DCSTAMP: variants seen among roughly 807,000 people sequenced by gnomAD.
DCSTAMP encodes dendritic cell-specific transmembrane protein.
Under a neutral mutation model 33.8 loss-of-function variants are expected in DCSTAMP, and 25 were observed. The observed-to-expected ratio is 0.74, with a 90% CI of 0.54 to 1.03. The LOEUF is 1.03. DCSTAMP is among the 50% of genes least tolerant of loss of function. DCSTAMP has a pLI of 0.00. For synonymous variants in DCSTAMP, 245 were observed against 216.7 expected (o/e 1.13, Z -1.15); for missense variants, 531 against 556.8 (o/e 0.95, Z 0.47).
Position 104,348,965 on chromosome 8 carries a change from T to G in DCSTAMP, c.413T>G (p.Phe138Cys). Reference sequence around the variant, plus strand: ...AGGGCAAAGAGCTTTTCCATACATTTTCCACTTTTGAAAAAATATATTGAG... The same window carrying G: ...AGGGCAAAGAGCTTTTCCATACATTGTCCACTTTTGAAAAAATATATTGAG... ...NLRAKSFSIH[F>C]PLLKKYIEAI... Residue 138 changes from phenylalanine (F) to cysteine (C), a missense_variant, in exon 2 of 4, where the codon TTT (phenylalanine) becomes TGT (cysteine). Transcript: ENST00000297581. 6.2e-7 allele frequency: 1 copy of G among 1,614,240 alleles called. No individual in the cohort carries two copies. The highest frequency in any genetic ancestry group is 8.5e-7 in the Non-Finnish European group (1 of 1,180,044).
chr8:104,347,060 A>T (rs754021292), intron 1 of DCSTAMP, among the ~76,000 whole-genome samples: 2 of 152,234 alleles, frequency 1.3e-5, no homozygotes, highest in Non-Finnish European at 2.9e-5. Flanking sequence ...AGATATTTTC[A>T]TGTCAATCAG....
chr8:104,343,973 A>G (rs1281159661), intron 1 of DCSTAMP, among the ~76,000 whole-genome samples: 1 of 152,246 alleles, frequency 6.6e-6, no homozygotes, highest in Non-Finnish European at 1.5e-5. Context: ...AGATGACAAC[A>G]GGTACATAGG....
intron 1 of DCSTAMP, among the ~76,000 whole-genome samples, chr8:104,340,711 C>G (rs2099382646): frequency 6.6e-6 from 1 of 152,202 alleles, no homozygotes; most frequent in Non-Finnish European, 1.5e-5. Context: ...GCCACGCAAC[C>G]TGGCTTGGGT....
chr8:104,341,719 C>G (rs528189172), intron 1 of DCSTAMP, among the ~76,000 whole-genome samples: 1 of 152,208 alleles, frequency 6.6e-6, no homozygotes, highest in Non-Finnish European at 1.5e-5. Flanking sequence ...TAACCCTGTT[C>G]TGCTATTTTC....
intron 1 of DCSTAMP, among the ~76,000 whole-genome samples, chr8:104,347,091 T>TTA (rs147482726): frequency 0.11 from 17,497 of 152,196 alleles, 1,081 homozygotes; most frequent in Admixed American, 0.16. Flanking sequence ...CAAATTTATT[T>TTA]TATATATATA....
At chr8:104,352,440 G>C (rs1810486925) in intron 2 of DCSTAMP, among the ~76,000 whole-genome samples, 1 of 152,008 alleles carries the variant, frequency 6.6e-6, no homozygotes, top group Non-Finnish European at 1.5e-5. Flanking sequence ...CCAGGAAAAG[G>C]GTCTCACTCC....
chr8:104,356,034 T>A, intron 3 of DCSTAMP, 90 bp from the exon 4 acceptor site: 1 of 1,213,486 alleles, frequency 8.2e-7, no homozygotes, highest in Non-Finnish European at 1.2e-6. Flanking sequence ...TTTCCCAACA[T>A]CTTTAACCCC....
At chr8:104,351,403 G>T (rs1376228482) in intron 2 of DCSTAMP, among the ~76,000 whole-genome samples, 1 of 152,170 alleles carries the variant, frequency 6.6e-6, no homozygotes, top group African/African-American at 2.4e-5. Flanking sequence ...CCAAAATTGG[G>T]GCTTAGCCTA....
intron 2 of DCSTAMP, among the ~76,000 whole-genome samples, chr8:104,351,943 A>G (rs1810474111): frequency 6.6e-6 from 1 of 152,130 alleles, no homozygotes; most frequent in South Asian, 2.1e-4. Flanking sequence ...TTTTAAAAAG[A>G]TTATTACTTT....
chr8:104,352,970 G>C (rs1420931070), intron 2 of DCSTAMP, among the ~76,000 whole-genome samples: 1 of 152,204 alleles, frequency 6.6e-6, no homozygotes, highest in Non-Finnish European at 1.5e-5. Flanking sequence ...TTGCCAAGGA[G>C]AAGTCACACA....
At chr8:104,347,525 G>A (rs1810345386) in intron 1 of DCSTAMP, among the ~76,000 whole-genome samples, 1 of 152,206 alleles carries the variant, frequency 6.6e-6, no homozygotes, top group South Asian at 2.1e-4. Context: ...ATATAGGACT[G>A]TTGCCTTTAT....
chr8:104,344,300 T>G (rs11997590), intron 1 of DCSTAMP, among the ~76,000 whole-genome samples: 10,751 of 152,056 alleles, frequency 0.071, 410 homozygotes, highest in Middle Eastern at 0.13. Flanking sequence ...TTTATTAAAA[T>G]TAAAATTAAA....
Position 104,356,223 on chromosome 8 carries a change from C to A in DCSTAMP, c.*25C>A, listed in dbSNP as rs1319437746. 1 of 1,602,512 alleles carries A rather than the reference C, an allele frequency of 6.2e-7. No individual in the cohort carries two copies. The highest frequency in any genetic ancestry group is 1.1e-5 in the South Asian group (1 of 89,110). On this transcript the variant is annotated 3_prime_UTR_variant, in exon 4 of 4. Transcript: ENST00000297581. ...AGAGACCCCGACTACTCCTCAGCCA[C>A]ATCGCACCAACAATTCTCTTCAGGT... is the stretch of plus-strand genomic sequence containing the variant.
In DCSTAMP at chr8:104,349,394, C is replaced by T. The variant is rs753918402; in HGVS notation, c.842C>T (p.Pro281Leu). 1.9e-5 allele frequency: 31 copies of T among 1,614,206 alleles called. 1 individual carries two copies. The South Asian group carries it at 3.2e-4, about 17-fold the overall frequency. Residue 281 changes from proline to leucine, a missense_variant, in exon 2 of 4, where the codon CCG becomes CTG. Physicochemically the swap from Pro to Leu is moderately conservative, Grantham distance 98. Transcript: ENST00000297581. Reference sequence around the variant, plus strand: ...GAAAGGAGGAAGTATGTCATCATCCCGACTTTCTGGCCGACTCCTAAAGAA... The same window carrying T: ...GAAAGGAGGAAGTATGTCATCATCCTGACTTTCTGGCCGACTCCTAAAGAA... ...KEERRKYVII[P>L]TFWPTPKERK...
intron 1 of DCSTAMP, among the ~76,000 whole-genome samples, chr8:104,346,318 TG>T (rs1810312968): frequency 6.6e-6 from 1 of 152,272 alleles, no homozygotes; most frequent in Non-Finnish European, 1.5e-5. Context: ...CCACAGCTCC[TG>T]ACTTGGTCTG....
chr8:104,356,237 T>C lies in DCSTAMP; in HGVS notation c.*39T>C, dbSNP rs369750036. Reference sequence around the variant, plus strand: ...CTCCTCAGCCACATCGCACCAACAATTCTCTTCAGGTCTAGGATGGCAGTC... The same window carrying C: ...CTCCTCAGCCACATCGCACCAACAACTCTCTTCAGGTCTAGGATGGCAGTC... On this transcript the variant is annotated 3_prime_UTR_variant, in exon 4 of 4. Transcript: ENST00000297581. 3.3e-4 allele frequency: 531 copies of C among 1,588,202 alleles called. 4 individuals carry two copies. The highest frequency in any genetic ancestry group is 3.8e-4 in the Admixed American group (22 of 57,634).
intron 1 of DCSTAMP, among the ~76,000 whole-genome samples, chr8:104,347,990 T>G (rs7017400): frequency 6.6e-6 from 1 of 151,982 alleles, no homozygotes; most frequent in African/African-American, 2.4e-5. Context: ...AGATGCAACA[T>G]TGCTGGCTTT....
At chr8:104,346,327 C>T (rs1432012384) in intron 1 of DCSTAMP, among the ~76,000 whole-genome samples, 1 of 152,244 alleles carries the variant, frequency 6.6e-6, no homozygotes. Context: ...CTGACTTGGT[C>T]TGGTGCTGGG....
chr8:104,344,292 TATTAAA>T (rs2099383504), intron 1 of DCSTAMP, among the ~76,000 whole-genome samples: 1 of 151,998 alleles, frequency 6.6e-6, no homozygotes, highest in African/African-American at 2.4e-5. Context: ...TGATTTGATT[TATTAAA>T]ATTAAAATTA....
Sources: allele counts gnomAD v4.1 joint callset (sites outside exome capture counted in the v4.1 genomes callset), GRCh38; gene constraint gnomAD v4.1.1; transcripts MANE v1.5; gene names NCBI Gene and HGNC (gene_info 2026-07-23, HGNC 2026-07-21).